The following ATG7 variants were observed in gnomAD, a reference collection of about 807,000 sequenced individuals.
ATG7 encodes autophagy related 7, also known as ubiquitin-like modifier-activating enzyme ATG7.
ATG7 carries 70 observed loss-of-function variants against 82.4 expected under a neutral mutation model. The ratio of observed to expected loss-of-function variants is 0.85; its 90% CI spans 0.70 to 1.04. The LOEUF (loss-of-function observed/expected upper bound fraction) is 1.04, where lower values mean the gene tolerates loss of function less well. Ranked by LOEUF, ATG7 falls within the 50% of genes least tolerant of loss-of-function variation. The pLI, the probability that ATG7 is intolerant of heterozygous loss-of-function variation, is 0.00. For missense variants in ATG7, 792 were observed against 864.3 expected (o/e 0.92, Z 1.05); for synonymous variants, 287 against 313.0 (o/e 0.92, Z 0.88).
intron 20 of ATG7, among the ~76,000 whole-genome samples, chr3:11,485,579 A>T (rs893260131): frequency 6.6e-6 from 1 of 152,050 alleles, no homozygotes; most frequent in Non-Finnish European, 1.5e-5. Flanking sequence ...GCTTTTGTTG[A>T]CATTGCTTTT....
intron 9 of ATG7, among the ~76,000 whole-genome samples, chr3:11,323,849 C>T (rs960898768): frequency 2.6e-5 from 4 of 152,188 alleles, no homozygotes; most frequent in African/African-American, 9.7e-5. Context: ...ACTTTAAAAA[C>T]GTGTAATCTC....
intron 19 of ATG7, among the ~76,000 whole-genome samples, chr3:11,412,055 G>A (rs926488586): frequency 1.3e-5 from 2 of 151,734 alleles, no homozygotes; most frequent in African/African-American, 4.8e-5. Flanking sequence ...CAATCACTGA[G>A]ACAAGTGTGG....
At chr3:11,369,373 C>T (rs1475654671) in intron 18 of ATG7, among the ~76,000 whole-genome samples, 3 of 150,944 alleles carry the variant, frequency 2.0e-5, no homozygotes, top group Non-Finnish European at 4.4e-5. Context: ...CCTCATGTTT[C>T]ACTATATCAA....
intron 20 of ATG7, among the ~76,000 whole-genome samples, chr3:11,536,258 G>T (rs1340321745): frequency 6.6e-6 from 1 of 152,210 alleles, no homozygotes; most frequent in Non-Finnish European, 1.5e-5. Flanking sequence ...ACATCTTTAA[G>T]AACTGCAGTT....
intron 20 of ATG7, among the ~76,000 whole-genome samples, chr3:11,508,508 G>A (rs1412886725): frequency 6.6e-6 from 1 of 152,150 alleles, no homozygotes; most frequent in African/African-American, 2.4e-5. Context: ...AGGCTGGAAT[G>A]CAGTGGCCTG....
the ATG7 span, among the ~76,000 whole-genome samples, chr3:11,566,607 C>G: frequency 1.3e-5 from 2 of 152,214 alleles, no homozygotes; most frequent in Non-Finnish European, 1.5e-5. Context: ...CAACCATCTA[C>G]TTGCCATTCC....
At chr3:11,562,613 C>A (rs2073122035), downstream of ATG7, among the ~76,000 whole-genome samples, 1 of 152,236 alleles carries the variant, frequency 6.6e-6, no homozygotes, top group Admixed American at 6.5e-5. Flanking sequence ...GCAGGGCGCC[C>A]GAGCCCAGCT....
At chr3:11,416,617 A>T (rs1344820823) in intron 19 of ATG7, among the ~76,000 whole-genome samples, 1 of 152,094 alleles carries the variant, frequency 6.6e-6, no homozygotes, top group Non-Finnish European at 1.5e-5. Context: ...GTCTAATTGG[A>T]GGCTTATCAA....
At chr3:11,316,837 G>C (rs1341835973) in intron 9 of ATG7, among the ~76,000 whole-genome samples, 1 of 152,130 alleles carries the variant, frequency 6.6e-6, no homozygotes, top group Non-Finnish European at 1.5e-5. Flanking sequence ...AAATCAAATG[G>C]AATCATCTCC....
At chr3:11,308,470 T>C (rs1948118085) in intron 6 of ATG7, 1 of 154,512 alleles carries the variant, frequency 6.5e-6, no homozygotes, top group East Asian at 1.9e-4. Flanking sequence ...CCTCCCAGGC[T>C]CTTTACTCTC....
At chr3:11,333,848 TGCCATTCTCCTGCCTCA>T (rs1411484968) in intron 11 of ATG7, among the ~76,000 whole-genome samples, 1 of 149,838 alleles carries the variant, frequency 6.7e-6, no homozygotes, top group East Asian at 2.0e-4. Context: ...CCCGGGTTCA[TGCCATTCTCCTGCCTCA>T]GCCTCCTGAG....
At chr3:11,313,277 A>C (rs763673542) in intron 7 of ATG7, 27 bp from the exon 8 acceptor site, 1 of 1,467,868 alleles carries the variant, frequency 6.8e-7, no homozygotes, top group Non-Finnish European at 9.5e-7. Flanking sequence ...TGCTATTCTA[A>C]TAACTTATTT....
At chr3:11,510,379 G>GT in intron 20 of ATG7, 2 of 378,432 alleles carry the variant, frequency 5.3e-6, no homozygotes, top group Non-Finnish European at 1.1e-5. Context: ...CCCTGCCCCA[G>GT]TTTAAAAAAA....
At chr3:11,563,616 G>A in the ATG7 span, among the ~76,000 whole-genome samples, 2 of 152,198 alleles carry the variant, frequency 1.3e-5, no homozygotes, top group Non-Finnish European at 2.9e-5. Flanking sequence ...ACGTTGAAAT[G>A]AACAGCAGTG....
chr3:11,526,769 G>C (rs2092587807), intron 20 of ATG7, among the ~76,000 whole-genome samples: 1 of 151,976 alleles, frequency 6.6e-6, no homozygotes, highest in African/African-American at 2.4e-5. Context: ...AAATAATGTT[G>C]AAATGAACTG....
intron 20 of ATG7, chr3:11,477,352 T>C: frequency 1.8e-6 from 2 of 1,114,388 alleles, no homozygotes; most frequent in Non-Finnish European, 2.2e-6. Flanking sequence ...CGTTCAGTAA[T>C]GAATGTAAGT....
intron 14 of ATG7, among the ~76,000 whole-genome samples, chr3:11,357,020 A>G (rs1679893952): frequency 6.6e-6 from 1 of 152,092 alleles, no homozygotes; most frequent in Admixed American, 6.5e-5. Flanking sequence ...ATTAGGTTTA[A>G]AGTTGAAGAT....
intron 20 of ATG7, among the ~76,000 whole-genome samples, chr3:11,535,429 G>A (rs937548200): frequency 5.3e-5 from 8 of 152,180 alleles, no homozygotes; most frequent in African/African-American, 1.9e-4. Context: ...AGTCTTCTGC[G>A]TCGGCCCTCC....
At chr3:11,439,091 C>CA (rs1022518829) in intron 20 of ATG7, among the ~76,000 whole-genome samples, 1 of 101,192 alleles carries the variant, frequency 9.9e-6, no homozygotes, top group African/African-American at 4.2e-5. Context: ...TTTTTTGAGA[C>CA]AGAGTCTCAC....
Sources: allele counts gnomAD v4.1 joint callset (sites outside exome capture counted in the v4.1 genomes callset), GRCh38; gene constraint gnomAD v4.1.1; transcripts MANE v1.5; gene names NCBI Gene and HGNC (gene_info 2026-07-23, HGNC 2026-07-21).